ZDHHC11: variants seen among roughly 807,000 people sequenced by gnomAD.
ZDHHC11 encodes the protein zDHHC palmitoyltransferase 11.
A neutral mutation model predicts 51.3 loss-of-function variants in ZDHHC11; 44 were observed. The observed-to-expected ratio is 0.86, with a 90% CI of 0.67 to 1.10. The LOEUF (loss-of-function observed/expected upper bound fraction) is 1.10. Among genes scored for constraint, ZDHHC11 ranks in the 50% least tolerant of loss-of-function variants. The pLI is 0.00. For missense variants in ZDHHC11, 400 were observed against 537.7 expected, an observed-to-expected ratio of 0.74 and a Z score of 2.53; for synonymous variants, 163 against 222.0, an observed-to-expected ratio of 0.73 and a Z score of 2.36.
rs780771362 is a variant in ZDHHC11, at chr5:806,113, C to A, written c.1182-4949G>T. Among the ~76,000 whole-genome samples, 32 of 150,862 alleles carry A rather than the reference C, an allele frequency of 2.1e-4. 3 individuals are homozygous for A. The highest frequency in any genetic ancestry group is 4.0e-4 in the Non-Finnish European group (27 of 67,576). On this transcript the variant is annotated intron_variant, in intron 11 of 12. Coordinates refer to ENST00000283441, the MANE Select transcript of ZDHHC11 (RefSeq NM_024786.3). ...TGATCATAATACTGAATAACTACAG[C>A]CTTTCGTGGGAGAGAGGGAGTACTT...
intron 3 of ZDHHC11, among the ~76,000 whole-genome samples, chr5:846,205 C>T (rs1404395874): frequency 6.6e-6 from 1 of 151,068 alleles, no homozygotes; most frequent in Non-Finnish European, 1.5e-5. Flanking sequence ...TGCTCAGCCT[C>T]TCTGGACACA....
intron 1 of ZDHHC11, among the ~76,000 whole-genome samples, chr5:848,985 G>T (rs1415551706): frequency 6.6e-6 from 1 of 150,952 alleles, no homozygotes. Flanking sequence ...CCCATGCCCG[G>T]CCCTGCTCAC....
chr5:853,625 G>A (rs1006663276), upstream of ZDHHC11, among the ~76,000 whole-genome samples: 2 of 147,862 alleles, frequency 1.4e-5, no homozygotes, highest in African/African-American at 5.1e-5. Context: ...AGACCCCACA[G>A]AGGACAGCAA....
chr5:804,333 T>C (rs1738933432), intron 11 of ZDHHC11, among the ~76,000 whole-genome samples: 2 of 151,288 alleles, frequency 1.3e-5, no homozygotes, highest in Non-Finnish European at 3.0e-5. Flanking sequence ...GGAAAAAACA[T>C]AGTGTATACA....
At chr5:818,612 G>A (rs992422402) in intron 10 of ZDHHC11, among the ~76,000 whole-genome samples, 2 of 151,584 alleles carry the variant, frequency 1.3e-5, no homozygotes, top group African/African-American at 4.8e-5. Context: ...TAATCGCCCT[G>A]CTATGGGAGG....
rs1359136259 is a variant in ZDHHC11 at position 850,402 on chromosome 5, C to T, written c.201G>A (p.Ala67=). 6.2e-6 allele frequency: 10 copies of T among 1,613,502 alleles called. No homozygotes were observed. The highest frequency in any genetic ancestry group is 1.3e-5 in the African/African-American group (1 of 74,916). Residue 67 remains alanine (A), a synonymous_variant, in exon 1 of 13, where the codon GCG becomes GCA. Transcript: ENST00000283441. ...FGIFIPFLPH[A]WKYIAYVVTG... ...ATACCACGTAGGCAATGTATTTCCA[C>T]GCGTGAGGCAGGAAGGGAATGAAGA...
chr5:851,892 C>T (rs945323069), upstream of ZDHHC11, among the ~76,000 whole-genome samples: 1 of 152,086 alleles, frequency 6.6e-6, no homozygotes, highest in Non-Finnish European at 1.5e-5. Flanking sequence ...CCTGTCTCTA[C>T]TAAAAATACA....
In ZDHHC11 at chr5:819,548, G is replaced by T. The variant is rs768734041; in HGVS notation, c.1123C>A (p.Pro375Thr). ...RLCQFSTRVH[P>T]DGGSMAQEAD... ...ACCTGTGCCATCGAGCCCCCGTCTG[G>T]GTGTACACGAGTGGAGAACTGACAC... The change falls in exon 10 of 13, where the codon CCA becomes ACA. Residue 375 changes from proline to threonine, a missense_variant. By Grantham distance (38) the Pro-to-Thr change is conservative (BLOSUM62 -1). Around this residue, in one of 5 missense-constraint regions of ZDHHC11, gnomAD observed 231 missense variants for 227.4 expected, o/e 1.02. Transcript: ENST00000283441. 26 of 1,609,742 alleles carry T rather than the reference G, an allele frequency of 1.6e-5. 1 individual carries two copies. The highest frequency in any genetic ancestry group is 2.1e-5 in the Non-Finnish European group (25 of 1,176,704).
intron 6 of ZDHHC11, among the ~76,000 whole-genome samples, chr5:834,297 A>G (rs1429517896): frequency 1.3e-5 from 2 of 152,304 alleles, no homozygotes; most frequent in Non-Finnish European, 2.9e-5. Flanking sequence ...ATACATCTAC[A>G]TCTACCTTGG....
chr5:819,420 T>C (rs577989855), intron 10 of ZDHHC11, 105 bp downstream of exon 10: 1 of 1,222,930 alleles, frequency 8.2e-7, no homozygotes, highest in Non-Finnish European at 1.2e-6. Flanking sequence ...GGACACAGAG[T>C]GCTTCCCTTT....
intron 7 of ZDHHC11, among the ~76,000 whole-genome samples, chr5:830,885 T>C (rs1347699879): frequency 6.6e-6 from 1 of 151,982 alleles, no homozygotes; most frequent in Admixed American, 6.5e-5. Context: ...GGAAAGGACA[T>C]CCTATTCAAT....
intron 10 of ZDHHC11, 32 bp downstream of exon 10, chr5:819,493 C>A (rs1741280034): frequency 6.3e-7 from 1 of 1,599,492 alleles, no homozygotes; most frequent in Non-Finnish European, 8.6e-7. Flanking sequence ...ATGGCCCTGT[C>A]CTCGGGGACA....
chr5:837,583 C>G (rs1466603953), intron 5 of ZDHHC11, 103 bp from the exon 6 acceptor site: 1 of 1,293,218 alleles, frequency 7.7e-7, no homozygotes, highest in African/African-American at 1.5e-5. Context: ...TGATCCGGCC[C>G]CTGCACAGGG....
intron 11 of ZDHHC11, among the ~76,000 whole-genome samples, chr5:805,758 A>G (rs1466436013): frequency 2.0e-5 from 3 of 151,132 alleles, no homozygotes. Context: ...GGATTGGCGG[A>G]TTGGATTTTT....
intron 10 of ZDHHC11, chr5:816,679 T>A: frequency 1.6e-6 from 1 of 612,586 alleles, no homozygotes; most frequent in Non-Finnish European, 3.2e-6. Context: ...CCAAGCCCGT[T>A]TTGGCTTTGT....
At chr5:851,922 G>A (rs556753333), upstream of ZDHHC11, among the ~76,000 whole-genome samples, 1 of 152,254 alleles carries the variant, frequency 6.6e-6, no homozygotes, top group Non-Finnish European at 1.5e-5. Context: ...AGGGCATGGT[G>A]GCACATGCCT....
At chr5:843,935 G>A (rs1234842993) in intron 3 of ZDHHC11, among the ~76,000 whole-genome samples, 1 of 101,944 alleles carries the variant, frequency 9.8e-6, no homozygotes, top group Non-Finnish European at 1.8e-5. Context: ...CTGAGGCAGG[G>A]GCGGGGGCAT....
chr5:806,151 T>G (rs1014687078), intron 11 of ZDHHC11, among the ~76,000 whole-genome samples: 3 of 151,122 alleles, frequency 2.0e-5, no homozygotes, highest in African/African-American at 7.3e-5. Flanking sequence ...TTCTCAGAAC[T>G]TATTAAGCTA....
intron 6 of ZDHHC11, among the ~76,000 whole-genome samples, chr5:834,814 A>G (rs1422325543): frequency 6.6e-6 from 1 of 152,006 alleles, no homozygotes; most frequent in Non-Finnish European, 1.5e-5. Context: ...TAATTCAGAC[A>G]CATAGTTTTT....
Sources: allele counts gnomAD v4.1 joint callset (sites outside exome capture counted in the v4.1 genomes callset), GRCh38; gene constraint gnomAD v4.1.1; regional missense constraint gnomAD v4.1.1; transcripts MANE v1.5; gene names NCBI Gene and HGNC (gene_info 2026-07-23, HGNC 2026-07-21).